ANP32A: variants seen among roughly 807,000 people sequenced by gnomAD.
ANP32A encodes the protein acidic leucine-rich nuclear phosphoprotein 32 family member A.
ANP32A carries 1 observed loss-of-function variant against 33.9 expected under a neutral mutation model. The observed-to-expected ratio is 0.03, with a 90% CI of 0.01 to 0.14. ANP32A has a LOEUF of 0.14. ANP32A is among the 10% of genes least tolerant of loss of function. The pLI is 1.00. For synonymous variants in ANP32A, 115 were observed against 120.5 expected (o/e 0.95, Z 0.30); for missense variants, 155 against 306.0 (o/e 0.51, Z 3.68).
chr15:68,784,675 A>G, intron 3 of ANP32A, 80 bp from the exon 4 acceptor site: 1 of 1,489,628 alleles, frequency 6.7e-7, no homozygotes, highest in African/African-American at 1.4e-5. Context: ...ACAGGCAAGG[A>G]TGCCATGAGA....
At chr15:68,818,244 AT>A (rs1362168838) in intron 1 of ANP32A, 1 of 267,942 alleles carries the variant, frequency 3.7e-6, no homozygotes, top group Non-Finnish European at 7.9e-6. Flanking sequence ...CCCGGGAAAC[AT>A]GGCTGCTCGT....
rs1226979313 is a variant in ANP32A, at chr15:68,782,974, GTCC to G, written c.603_605del (p.Glu201del). 5.2e-6 allele frequency: 8 copies of G among 1,551,518 alleles called. No individual in the cohort carries two copies. The African/African-American group carries it at 5.5e-5, about 11-fold the overall frequency. On this transcript the variant is annotated inframe_deletion, in exon 5 of 7. Transcript: ENST00000465139. Reference sequence around the variant, plus strand: ...TCCTTACCTCCTCCTCTCCACTCACGTCCTCCTCTTCACCTTCCTCCTCCTCAT... The same window carrying G: ...TCCTTACCTCCTCCTCTCCACTCACGTCCTCTTCACCTTCCTCCTCCTCAT...
At chr15:68,820,479 A>G (rs1199616319) in intron 1 of ANP32A, among the ~76,000 whole-genome samples, 1 of 152,106 alleles carries the variant, frequency 6.6e-6, no homozygotes, top group African/African-American at 2.4e-5. Context: ...GCACACGCAC[A>G]GGTAGTCACA....
chr15:68,803,147 T>C (rs1894161890), intron 1 of ANP32A, among the ~76,000 whole-genome samples: 1 of 152,150 alleles, frequency 6.6e-6, no homozygotes, highest in Admixed American at 6.5e-5. Flanking sequence ...CAAGGGCCGC[T>C]CAGTGTGCCC....
chr15:68,818,131 C>T (rs1894413710), intron 1 of ANP32A: 2 of 157,068 alleles, frequency 1.3e-5, no homozygotes, highest in Non-Finnish European at 2.8e-5. Flanking sequence ...ACTGCACCCC[C>T]GCCGCCCGCC....
intron 1 of ANP32A, chr15:68,789,477 T>G (rs1045770526): frequency 3.9e-5 from 6 of 152,282 alleles, no homozygotes; most frequent in East Asian, 1.9e-4. Context: ...ATGCCTAGCT[T>G]CTTCTTTCTG....
chr15:68,787,355 G>A, intron 3 of ANP32A, 58 bp downstream of exon 3: 2 of 1,609,662 alleles, frequency 1.2e-6, no homozygotes, highest in Non-Finnish European at 1.7e-6. Context: ...AGTATTTGCT[G>A]ATGCCAATTC....
chr15:68,811,536 G>A (rs892542051), intron 1 of ANP32A, among the ~76,000 whole-genome samples: 4 of 152,120 alleles, frequency 2.6e-5, no homozygotes, highest in Non-Finnish European at 4.4e-5. Context: ...TAGCTGCTGA[G>A]GGCAGTAAGA....
chr15:68,779,815 C>T lies in ANP32A; in HGVS notation c.*266G>A, dbSNP rs978373707. The T allele has an allele frequency of 2.6e-5, 12 of 470,318 alleles. No homozygotes were observed. Among genetic ancestry groups the T allele is most frequent in the East Asian group, 1.4e-4 (4 of 27,888 alleles). 29.1% of individuals were successfully genotyped at this position (470,318 alleles called of 1,614,324 possible). A position where few individuals can be genotyped will look rare whatever the true frequency, so the allele number is the denominator to read the frequency against. On this transcript the variant is annotated 3_prime_UTR_variant, in exon 7 of 7. Coordinates refer to ENST00000465139, the MANE Select transcript of ANP32A (RefSeq NM_006305.4). ...GCTCACTTAGTGTGTACTTAGCTAT[C>T]GCATTTACAGGGACAAAAACCGGAC...
At chr15:68,811,839 C>T (rs1026500809) in intron 1 of ANP32A, among the ~76,000 whole-genome samples, 16 of 152,174 alleles carry the variant, frequency 1.1e-4, no homozygotes, top group African/African-American at 3.9e-4. Context: ...CAGGTTCAAG[C>T]GATTCTCCTG....
chr15:68,805,026 G>GT (rs1475833834), intron 1 of ANP32A, among the ~76,000 whole-genome samples: 1 of 152,218 alleles, frequency 6.6e-6, no homozygotes, highest in Non-Finnish European at 1.5e-5. Flanking sequence ...GTCTGCTGCT[G>GT]TATTTGTGAC....
intron 1 of ANP32A, among the ~76,000 whole-genome samples, chr15:68,805,787 T>C (rs183247820): frequency 6.6e-6 from 1 of 152,210 alleles, no homozygotes; most frequent in African/African-American, 2.4e-5. Context: ...GGACCACCCA[T>C]CTCCTTTAAC....
At chr15:68,799,306 C>T (rs540377586) in intron 1 of ANP32A, among the ~76,000 whole-genome samples, 12 of 152,178 alleles carry the variant, frequency 7.9e-5, no homozygotes, top group South Asian at 6.2e-4. Context: ...GAGAAAGACA[C>T]GATGAGGGAA....
chr15:68,815,037 C>T (rs1894361707), intron 1 of ANP32A, among the ~76,000 whole-genome samples: 1 of 152,224 alleles, frequency 6.6e-6, no homozygotes, highest in Admixed American at 6.5e-5. Flanking sequence ...ACGAGAAGTG[C>T]TTCATACTAA....
chr15:68,816,205 T>C (rs1297237261), intron 1 of ANP32A, among the ~76,000 whole-genome samples: 1 of 152,150 alleles, frequency 6.6e-6, no homozygotes, highest in Admixed American at 6.5e-5. Flanking sequence ...CTTTCTACGG[T>C]GGCACCACTC....
At chr15:68,802,709 G>A (rs1025896337) in intron 1 of ANP32A, among the ~76,000 whole-genome samples, 3 of 152,208 alleles carry the variant, frequency 2.0e-5, no homozygotes, top group African/African-American at 7.2e-5. Flanking sequence ...CTGGCGGGCA[G>A]TGACGCCATC....
intron 1 of ANP32A, among the ~76,000 whole-genome samples, chr15:68,804,421 T>C (rs911989556): frequency 7.9e-5 from 12 of 152,216 alleles, no homozygotes; most frequent in African/African-American, 2.4e-4. Context: ...CATTTCTGTA[T>C]AGATTAAAGA....
chr15:68,808,281 G>C (rs1894265301), intron 1 of ANP32A, among the ~76,000 whole-genome samples: 2 of 152,164 alleles, frequency 1.3e-5, no homozygotes. Flanking sequence ...TTCAGGCAGA[G>C]CCTGGGTATT....
intron 3 of ANP32A, 94 bp from the exon 4 acceptor site, chr15:68,784,689 C>A: frequency 7.2e-7 from 1 of 1,387,188 alleles, no homozygotes; most frequent in Non-Finnish European, 1.0e-6. Context: ...CATGAGATAG[C>A]ATGCGCAGAC....
Sources: gnomAD v4.1 joint callset for allele counts (sites outside exome capture counted in the v4.1 genomes callset) on GRCh38, gnomAD v4.1.1 for gene constraint, MANE v1.5 for transcripts, NCBI Gene and HGNC (gene_info 2026-07-23, HGNC 2026-07-21) for gene names.